The following DAG1 variants were observed in gnomAD, a reference collection of about 807,000 sequenced individuals.
DAG1 encodes dystroglycan 1 (dystrophin-associated glycoprotein 1).
DAG1 carries 8 observed loss-of-function variants against 46.1 expected under a neutral mutation model. The observed-to-expected ratio is 0.17, with a 90% CI of 0.10 to 0.31. The LOEUF (loss-of-function observed/expected upper bound fraction) is 0.31, where lower values mean the gene tolerates loss of function less well. DAG1 is among the 10% of genes least tolerant of loss of function. DAG1 has a pLI of 1.00. For synonymous variants in DAG1, 495 were observed against 481.8 expected (o/e 1.03, Z -0.36); for missense variants, 1,003 against 1,189.9 (o/e 0.84, Z 2.31).
chr3:49,495,717 C>T (rs373243997), intron 1 of DAG1, among the ~76,000 whole-genome samples: 3 of 151,932 alleles, frequency 2.0e-5, no homozygotes, highest in Admixed American at 6.6e-5. Context: ...GTCAGGAGTT[C>T]GAGACCAGCC....
upstream of DAG1, chr3:49,470,050 GA>G (rs1395313360): frequency 2.6e-5 from 4 of 152,244 alleles, no homozygotes; most frequent in Non-Finnish European, 4.4e-5. Flanking sequence ...TAGGGCGGGG[GA>G]GTGGCTAGCC....
chr3:49,471,713 A>G (rs1019480322), intron 1 of DAG1, among the ~76,000 whole-genome samples: 1 of 152,218 alleles, frequency 6.6e-6, no homozygotes, highest in Non-Finnish European at 1.5e-5. Flanking sequence ...CACTGTTCTT[A>G]AAAATTGATT....
At chr3:49,485,089 C>T (rs1465464221) in intron 1 of DAG1, among the ~76,000 whole-genome samples, 1 of 151,294 alleles carries the variant, frequency 6.6e-6, no homozygotes, top group Non-Finnish European at 1.5e-5. Context: ...CGGGTTCATG[C>T]CATTCTCCTG....
At chr3:49,488,546 A>G (rs1403745581) in intron 1 of DAG1, 1 of 152,184 alleles carries the variant, frequency 6.6e-6, no homozygotes, top group Non-Finnish European at 1.5e-5. Context: ...GAGAAGAAGG[A>G]TCTACCCACT....
chr3:49,490,283 G>A (rs1421303543), intron 1 of DAG1, among the ~76,000 whole-genome samples: 1 of 151,884 alleles, frequency 6.6e-6, no homozygotes, highest in Non-Finnish European at 1.5e-5. Flanking sequence ...GACCCGGGAG[G>A]TGGAGCTTGC....
chr3:49,491,193 A>G (rs1197384071), intron 1 of DAG1, among the ~76,000 whole-genome samples: 1 of 151,522 alleles, frequency 6.6e-6, no homozygotes, highest in South Asian at 2.1e-4. Flanking sequence ...TATTTTTAAT[A>G]GAGATGGGGT....
chr3:49,481,024 G>T (rs1215929002), intron 1 of DAG1, among the ~76,000 whole-genome samples: 9 of 146,940 alleles, frequency 6.1e-5, no homozygotes, highest in African/African-American at 2.2e-4. Context: ...GCCTCCCAAA[G>T]TGCTGGGATT....
intron 2 of DAG1, among the ~76,000 whole-genome samples, chr3:49,514,782 G>A (rs544993909): frequency 6.6e-6 from 1 of 151,612 alleles, no homozygotes; most frequent in East Asian, 1.9e-4. Flanking sequence ...GGGACTATAG[G>A]CTTGAACCAC....
chr3:49,528,274 GAT>G (rs2051238647), intron 2 of DAG1, among the ~76,000 whole-genome samples: 1 of 60,326 alleles, frequency 1.7e-5, no homozygotes, highest in African/African-American at 6.1e-5. Flanking sequence ...GAAATAGTGT[GAT>G]TTTTTTTTTT....
At chr3:49,485,422 G>A (rs1228940842) in intron 1 of DAG1, among the ~76,000 whole-genome samples, 3 of 152,164 alleles carry the variant, frequency 2.0e-5, no homozygotes, top group Admixed American at 6.6e-5. Context: ...AGTCTTTGAG[G>A]TGGAAGTTGC....
At chr3:49,477,266 G>T (rs924428208) in intron 1 of DAG1, among the ~76,000 whole-genome samples, 3 of 151,806 alleles carry the variant, frequency 2.0e-5, no homozygotes, top group African/African-American at 4.8e-5. Context: ...CAAAGTGCTG[G>T]GATTACAGGG....
chr3:49,470,659 C>G (rs1217816566), intron 1 of DAG1: 1 of 152,198 alleles, frequency 6.6e-6, no homozygotes, highest in Non-Finnish European at 1.5e-5. Context: ...CTGCAAGGCC[C>G]GGGCCGCGCG....
intron 1 of DAG1, among the ~76,000 whole-genome samples, chr3:49,487,996 C>T (rs768715842): frequency 2.6e-5 from 4 of 152,092 alleles, no homozygotes; most frequent in Non-Finnish European, 5.9e-5. Context: ...GCCACCACGC[C>T]CGGCCAGCCC....
At chr3:49,489,744 T>A (rs1312016528) in intron 1 of DAG1, among the ~76,000 whole-genome samples, 3 of 152,326 alleles carry the variant, frequency 2.0e-5, no homozygotes, top group Non-Finnish European at 2.9e-5. Context: ...GTGTTTGTAA[T>A]GTTTCTAGAG....
chr3:49,505,855 A>G (rs9858418), intron 1 of DAG1, among the ~76,000 whole-genome samples: 44,397 of 148,142 alleles, frequency 0.3, 7,056 homozygotes, highest in Middle Eastern at 0.32. Context: ...TTTTTAGTAG[A>G]GATGGGGTTT....
chr3:49,497,591 GA>G (rs1303571588), intron 1 of DAG1, among the ~76,000 whole-genome samples: 1 of 151,862 alleles, frequency 6.6e-6, no homozygotes, highest in Non-Finnish European at 1.5e-5. Flanking sequence ...CACCCTGGGG[GA>G]TAGATTGAGA....
At chr3:49,487,469 T>C (rs2050066479) in intron 1 of DAG1, 1 of 152,146 alleles carries the variant, frequency 6.6e-6, no homozygotes, top group South Asian at 2.1e-4. Context: ...AACTACAATA[T>C]AAAGGTTAGA....
intron 1 of DAG1, among the ~76,000 whole-genome samples, chr3:49,502,556 GT>G (rs576683363): frequency 2.0e-4 from 30 of 151,780 alleles, no homozygotes; most frequent in African/African-American, 7.0e-4. Flanking sequence ...AGAGGACAAT[GT>G]TTTACCTATT....
In DAG1 at chr3:49,534,515, A is replaced by C. The variant is rs2051458356; in HGVS notation, c.*1316A>C. ...ACAGCCTCAAATTGTTTTATTAAAA[A>C]AAAGATTTAAAATGGTGATGCTTAC... On this transcript the variant is annotated 3_prime_UTR_variant, in exon 3 of 3. Transcript: ENST00000308775. 1 of 152,630 alleles carries C rather than the reference A, an allele frequency of 6.6e-6. No homozygotes were observed. The highest frequency in any genetic ancestry group is 6.5e-5 in the Admixed American group (1 of 15,284). The allele number at this position is 152,630 out of a possible 1,614,324, so 9.5% of individuals were successfully genotyped here. A position where few individuals can be genotyped will look rare whatever the true frequency, so the allele number is the denominator to read the frequency against.
Sources: gnomAD v4.1 joint callset for allele counts (sites outside exome capture counted in the v4.1 genomes callset) on GRCh38, gnomAD v4.1.1 for gene constraint, MANE v1.5 for transcripts, NCBI Gene and HGNC (gene_info 2026-07-23, HGNC 2026-07-21) for gene names.